SLCO3A1: variants seen among roughly 807,000 people sequenced by gnomAD.
SLCO3A1 encodes the protein solute carrier organic anion transporter family member 3A1, also known as PGE1 transporter.
In SLCO3A1, 27 loss-of-function variants were observed where a neutral mutation model predicts 63.1. The ratio of observed to expected loss-of-function variants is 0.43; its 90% confidence interval spans 0.32 to 0.59. SLCO3A1 has a LOEUF of 0.59. SLCO3A1 is among the 20% of genes least tolerant of loss of function. The probability of loss-of-function intolerance (pLI) is 0.09; values close to 1 mark genes in which losing one functional copy is unlikely to be tolerated. For synonymous variants in SLCO3A1, 473 were observed against 409.9 expected (o/e 1.15, Z -1.86); for missense variants, 773 against 945.8 (o/e 0.82, Z 2.40).
rs532320457 is a variant in SLCO3A1 at position 92,063,790 on chromosome 15, C to G, written c.647-31091C>G. Among the ~76,000 whole-genome samples, 787 of 152,232 alleles carry G rather than the reference C, an allele frequency of 5.2e-3. 1 individual carries two copies. Among genetic ancestry groups the G allele is most frequent in the Non-Finnish European group, 8.4e-3 (571 of 68,014 alleles). On this transcript the variant is annotated intron_variant, in intron 2 of 9. Transcript: ENST00000318445. ...GCTTGAACCTGGGAGGCGGAGGTTG[C>G]AGTGAGCCAAGATCGCACCACCGCA...
chr15:92,006,637 A>C (rs1259250117), intron 2 of SLCO3A1, among the ~76,000 whole-genome samples: 1 of 152,198 alleles, frequency 6.6e-6, no homozygotes, highest in Non-Finnish European at 1.5e-5. Context: ...AGCAGGAAAA[A>C]AACGACAACA....
At chr15:91,985,829 C>A (rs1475779035) in intron 2 of SLCO3A1, among the ~76,000 whole-genome samples, 2 of 152,176 alleles carry the variant, frequency 1.3e-5, no homozygotes, top group Non-Finnish European at 2.9e-5. Context: ...CCAAGAGATG[C>A]TTCTCATCAG....
intron 2 of SLCO3A1, among the ~76,000 whole-genome samples, chr15:92,048,623 C>T (rs2046919062): frequency 6.6e-6 from 1 of 152,134 alleles, no homozygotes; most frequent in Non-Finnish European, 1.5e-5. Flanking sequence ...GGGGAGGTAA[C>T]CCGTCCTCTC....
intron 9 of SLCO3A1, among the ~76,000 whole-genome samples, chr15:92,157,847 A>C (rs1452781323): frequency 6.6e-6 from 1 of 152,184 alleles, no homozygotes; most frequent in African/African-American, 2.4e-5. Flanking sequence ...TCTTTACAAA[A>C]GCTCTGCCTG....
In SLCO3A1 at chr15:91,950,043, G is replaced by T. The variant is rs1899945971; in HGVS notation, c.646+33585G>T. ...AACGAAAAGAAGGCAGACTGTGATG[G>T]ATTCTATACGGAAGAGATAAATGCC... On this transcript the variant is annotated intron_variant, in intron 2 of 9. Coordinates refer to ENST00000318445, the MANE Select transcript of SLCO3A1 (RefSeq NM_013272.4). The surrounding 1 kb of genome is among the most constrained non-coding windows in gnomAD (Gnocchi z 4.4). 6.6e-6 allele frequency among the ~76,000 whole-genome samples: 1 copy of T among 152,190 alleles called. No homozygotes were observed.
At chr15:91,953,604 C>T (rs199939758) in intron 2 of SLCO3A1, among the ~76,000 whole-genome samples, 12 of 152,136 alleles carry the variant, frequency 7.9e-5, no homozygotes, top group East Asian at 1.9e-4. Context: ...GGGAACTGCG[C>T]GAAGCCTGGT....
Position 91,862,206 on chromosome 15 carries a change from T to A in SLCO3A1, c.180+8118T>A, listed in dbSNP as rs1897065503. Among the ~76,000 whole-genome samples the A allele has an allele frequency of 6.6e-6, 1 of 151,752 alleles. No individual in the cohort carries two copies. Among genetic ancestry groups the A allele is most frequent in the Admixed American group, 6.6e-5 (1 of 15,210 alleles). The stretch of plus-strand genomic sequence containing the variant: ...TCTCACACTGTTGCCCAGCCTGGAG[T>A]GCAGTGGCATGACCTCAGCTCACTG... On this transcript the variant is annotated intron_variant, in intron 1 of 9. Coordinates refer to ENST00000318445, the MANE Select transcript of SLCO3A1 (RefSeq NM_013272.4). The surrounding 1 kb of genome is among the most constrained non-coding windows in gnomAD (Gnocchi z 4.0).
chr15:91,964,353 C>T (rs1900577400), intron 2 of SLCO3A1, among the ~76,000 whole-genome samples: 1 of 151,580 alleles, frequency 6.6e-6, no homozygotes, highest in South Asian at 2.1e-4. Flanking sequence ...TTTATACTTT[C>T]TACCCTTTTT....
chr15:91,884,593 C>G (rs1567170827), intron 1 of SLCO3A1, among the ~76,000 whole-genome samples: 1 of 148,246 alleles, frequency 6.7e-6, no homozygotes, highest in Non-Finnish European at 1.5e-5. Flanking sequence ...TAAAATAAAA[C>G]TTATTGATTT....
chr15:92,033,549 T>A lies in SLCO3A1; in HGVS notation c.647-61332T>A, dbSNP rs369307385. 2.6e-5 allele frequency among the ~76,000 whole-genome samples: 4 copies of A among 152,276 alleles called. No homozygotes were observed. Among genetic ancestry groups the A allele is most frequent in the Admixed American group, 6.5e-5 (1 of 15,298 alleles). On this transcript the variant is annotated intron_variant, in intron 2 of 9. Coordinates refer to ENST00000318445, the MANE Select transcript of SLCO3A1 (RefSeq NM_013272.4). This position sits in a 1 kb window ranked among gnomAD's most constrained non-coding sequence, Gnocchi z 4.5. ...GGGTGACTTCCAGCTGGGACTGGCATGTGTTCGTTCAGCCCGAGCTTCCAC... is the reference window on the plus strand; with the variant it reads ...GGGTGACTTCCAGCTGGGACTGGCAAGTGTTCGTTCAGCCCGAGCTTCCAC...
chr15:91,870,718 T>G (rs1597074298), intron 1 of SLCO3A1, among the ~76,000 whole-genome samples: 3 of 152,356 alleles, frequency 2.0e-5, no homozygotes, highest in African/African-American at 2.4e-5. Flanking sequence ...GAATCCCTTT[T>G]TTTTATCTGC....
intron 6 of SLCO3A1, 135 bp downstream of exon 6, chr15:92,126,394 T>C (rs950344673): frequency 2.9e-6 from 2 of 679,858 alleles, no homozygotes; most frequent in Non-Finnish European, 5.1e-6. Context: ...TGCATCTTAC[T>C]GTCCACGTTG....
intron 2 of SLCO3A1, among the ~76,000 whole-genome samples, chr15:91,993,277 G>A (rs901992337): frequency 2.6e-5 from 4 of 152,314 alleles, no homozygotes; most frequent in East Asian, 1.9e-4. Flanking sequence ...TGAGCCTTCC[G>A]AATTCAGAGG....
intron 7 of SLCO3A1, among the ~76,000 whole-genome samples, chr15:92,138,769 C>T (rs2048090327): frequency 1.2e-5 from 1 of 83,136 alleles, no homozygotes; most frequent in Non-Finnish European, 2.1e-5. Flanking sequence ...TGATTTGGCT[C>T]TCTGTTTGTC....
At chr15:91,953,020 A>G (rs1335582538) in intron 2 of SLCO3A1, among the ~76,000 whole-genome samples, 1 of 152,184 alleles carries the variant, frequency 6.6e-6, no homozygotes, top group Non-Finnish European at 1.5e-5. Flanking sequence ...AAAGAATCCC[A>G]AGAAGTAGAT....
chr15:92,048,126 G>A (rs2046912456), intron 2 of SLCO3A1, among the ~76,000 whole-genome samples: 1 of 152,026 alleles, frequency 6.6e-6, no homozygotes, highest in South Asian at 2.1e-4. Context: ...GTCCCTGAGT[G>A]GCATCTAGAA....
intron 5 of SLCO3A1, among the ~76,000 whole-genome samples, chr15:92,121,024 G>A (rs1381646196): frequency 6.6e-6 from 1 of 152,076 alleles, no homozygotes; most frequent in Non-Finnish European, 1.5e-5. Context: ...TGCAGAGCTT[G>A]GAAGCCATAC....
intron 2 of SLCO3A1, among the ~76,000 whole-genome samples, chr15:92,044,753 A>C (rs1010483683): frequency 6.6e-6 from 1 of 152,088 alleles, no homozygotes; most frequent in South Asian, 2.1e-4. Flanking sequence ...AGCCTGTCTG[A>C]TGCTCCAGCT....
At chr15:92,128,195 G>C (rs2190749) in intron 6 of SLCO3A1, among the ~76,000 whole-genome samples, 156 bp from the exon 7 acceptor site, 88 of 152,284 alleles carry the variant, frequency 5.8e-4, no homozygotes, top group Non-Finnish European at 1.1e-3. Flanking sequence ...GATAGGCTAA[G>C]GTTGGTAAAG....
Sources: gnomAD v4.1 joint callset for allele counts (sites outside exome capture counted in the v4.1 genomes callset) on GRCh38, gnomAD v4.1.1 for gene constraint, Gnocchi (gnomAD v3.1) non-coding constraint, MANE v1.5 for transcripts, NCBI Gene and HGNC (gene_info 2026-07-23, HGNC 2026-07-21) for gene names.